TENM3: variants seen among roughly 807,000 people sequenced by gnomAD.
TENM3 encodes teneurin transmembrane protein 3.
A neutral mutation model predicts 255.1 loss-of-function variants in TENM3; 63 were observed. That is an observed-to-expected ratio of 0.25 (90% confidence interval 0.20 to 0.30). TENM3 has a LOEUF of 0.30. Among genes scored for constraint, TENM3 ranks in the 10% least tolerant of loss-of-function variants. TENM3 has a pLI of 1.00. For missense variants in TENM3, 2,929 were observed against 3,461.1 expected, an observed-to-expected ratio of 0.85 and a Z score of 3.86; for synonymous variants, 1,306 against 1,322.3, an observed-to-expected ratio of 0.99 and a Z score of 0.27.
At chr4:181,679,266 C>G in the TENM3 span, among the ~76,000 whole-genome samples, 1 of 152,064 alleles carries the variant, frequency 6.6e-6, no homozygotes, top group Non-Finnish European at 1.5e-5. Context: ...GTCTTTAAAT[C>G]TTCTTCCACC....
chr4:182,058,897 C>T, the TENM3 span, among the ~76,000 whole-genome samples: 1 of 150,888 alleles, frequency 6.6e-6, no homozygotes, highest in East Asian at 1.9e-4. Context: ...TCAGCTTTTA[C>T]TGTTTTTGAA....
chr4:181,987,872 G>C, the TENM3 span, among the ~76,000 whole-genome samples: 2 of 152,006 alleles, frequency 1.3e-5, no homozygotes, highest in South Asian at 2.1e-4. Flanking sequence ...ACGGGGTAAG[G>C]CATTAACAAA....
At chr4:182,544,477 C>T (rs1741231259) in intron 3 of TENM3, among the ~76,000 whole-genome samples, 1 of 151,800 alleles carries the variant, frequency 6.6e-6, no homozygotes, top group Admixed American at 6.6e-5. Context: ...ATTACAGGGG[C>T]CCACCACCAT....
chr4:182,432,106 A>C (rs13108730), intron 3 of TENM3, among the ~76,000 whole-genome samples: 89,051 of 148,916 alleles, frequency 0.6, 27,031 homozygotes, highest in East Asian at 0.76. Context: ...AAAGAAAAGA[A>C]AAGAAAAAAA....
At chr4:181,852,842 T>C in the TENM3 span, among the ~76,000 whole-genome samples, 1 of 152,198 alleles carries the variant, frequency 6.6e-6, no homozygotes, top group Non-Finnish European at 1.5e-5. Context: ...CACCTTAAAA[T>C]AAGAAAGCCA....
chr4:182,785,755 G>A (rs1014603152), intron 24 of TENM3, among the ~76,000 whole-genome samples: 26 of 140,910 alleles, frequency 1.8e-4, no homozygotes, highest in Admixed American at 1.5e-3. Flanking sequence ...CTGGAATAAT[G>A]CTGGTACTTT....
intron 3 of TENM3, among the ~76,000 whole-genome samples, chr4:182,577,521 G>A (rs1745056587): frequency 6.6e-6 from 1 of 152,218 alleles, no homozygotes; most frequent in South Asian, 2.1e-4. Flanking sequence ...TCTGCCATCT[G>A]CAGTATTGCT....
the TENM3 span, among the ~76,000 whole-genome samples, chr4:181,698,947 T>A: frequency 6.6e-6 from 1 of 152,218 alleles, no homozygotes; most frequent in African/African-American, 2.4e-5. Context: ...ATTTAACTTT[T>A]TTTAAAAGAA....
the TENM3 span, among the ~76,000 whole-genome samples, chr4:181,477,945 G>C: frequency 6.6e-6 from 1 of 152,084 alleles, no homozygotes; most frequent in African/African-American, 2.4e-5. Flanking sequence ...AGAAAGACAG[G>C]GTAGCCTATT....
the TENM3 span, among the ~76,000 whole-genome samples, chr4:181,651,716 T>C: frequency 6.6e-6 from 1 of 152,176 alleles, no homozygotes; most frequent in African/African-American, 2.4e-5. Context: ...CAAGGAACGC[T>C]GAACTTCTTG....
the TENM3 span, among the ~76,000 whole-genome samples, chr4:181,982,636 A>G: frequency 6.6e-6 from 1 of 152,158 alleles, no homozygotes; most frequent in Non-Finnish European, 1.5e-5. Flanking sequence ...CGGCTCCAAA[A>G]GTGCCTAACA....
At chr4:181,764,635 T>C in the TENM3 span, among the ~76,000 whole-genome samples, 1 of 152,204 alleles carries the variant, frequency 6.6e-6, no homozygotes, top group Non-Finnish European at 1.5e-5. Context: ...CTTTCGTATT[T>C]GTTTACCTAA....
chr4:181,605,530 GAAAGA>G, the TENM3 span, among the ~76,000 whole-genome samples: 1 of 19,950 alleles, frequency 5.0e-5, no homozygotes, highest in South Asian at 2.4e-3. Flanking sequence ...AAGAAAGAAA[GAAAGA>G]AAGAAAGAAA....
At chr4:182,479,992 T>A (rs921786761) in intron 3 of TENM3, among the ~76,000 whole-genome samples, 3 of 148,708 alleles carry the variant, frequency 2.0e-5, no homozygotes, top group Non-Finnish European at 4.4e-5. Context: ...AGAATAGTTA[T>A]TTTTTTTCAC....
the TENM3 span, among the ~76,000 whole-genome samples, chr4:181,895,751 G>A: frequency 8.6e-5 from 13 of 151,616 alleles, no homozygotes; most frequent in African/African-American, 3.2e-4. Context: ...TCACTGTGTT[G>A]CCAGAGTGGT....
the TENM3 span, among the ~76,000 whole-genome samples, chr4:182,039,770 C>G: frequency 1.3e-5 from 2 of 151,510 alleles, no homozygotes; most frequent in African/African-American, 4.9e-5. Context: ...CTTTCCTGTC[C>G]CTGTCTGGTA....
At chr4:182,648,736 C>T (rs986159384) in intron 5 of TENM3, among the ~76,000 whole-genome samples, 5 of 152,214 alleles carry the variant, frequency 3.3e-5, no homozygotes, top group African/African-American at 1.2e-4. Context: ...TTCCTTCCTT[C>T]CTAGAGGTCA....
intron 3 of TENM3, among the ~76,000 whole-genome samples, chr4:182,485,463 G>C (rs905762729): frequency 1.3e-5 from 2 of 151,924 alleles, no homozygotes; most frequent in South Asian, 2.1e-4. Flanking sequence ...TCCTGACCAA[G>C]CAATCAATAA....
chr4:181,982,147 C>T, the TENM3 span, among the ~76,000 whole-genome samples: 9 of 151,982 alleles, frequency 5.9e-5, no homozygotes, highest in Non-Finnish European at 1.3e-4. Flanking sequence ...AGAAAGACGA[C>T]GGCTATCAGA....
Sources: gnomAD v4.1 joint callset for allele counts (sites outside exome capture counted in the v4.1 genomes callset) on GRCh38, gnomAD v4.1.1 for gene constraint, MANE v1.5 for transcripts, NCBI Gene and HGNC (gene_info 2026-07-23, HGNC 2026-07-21) for gene names.